The following PLXND1 variants were observed in gnomAD, a reference collection of about 807,000 sequenced individuals.
PLXND1 encodes plexin-D1.
A neutral mutation model predicts 197.7 loss-of-function variants in PLXND1; 54 were observed. The observed-to-expected ratio is 0.27, with a 90% CI of 0.22 to 0.34. The LOEUF (loss-of-function observed/expected upper bound fraction) is 0.34. Among genes scored for constraint, PLXND1 ranks in the 10% least tolerant of loss-of-function variants. PLXND1 has a pLI of 1.00. For synonymous variants in PLXND1, 1,180 were observed against 1,161.2 expected, an observed-to-expected ratio of 1.02 and a Z score of -0.33; for missense variants, 2,127 against 2,699.2, an observed-to-expected ratio of 0.79 and a Z score of 4.70.
intron 8 of PLXND1, among the ~76,000 whole-genome samples, chr3:129,581,567 T>C (rs1452040464): frequency 2.6e-5 from 4 of 152,222 alleles, no homozygotes; most frequent in African/African-American, 9.6e-5. Context: ...GTAGTGAGCA[T>C]CTACTATGTG....
At position 129,556,315 on chromosome 3, in the gene PLXND1, G is replaced by A; in HGVS notation, c.5775C>T (p.Ala1925=). The change falls in exon 36 of 36, where the codon GCC becomes GCT. Residue 1925 remains alanine, a synonymous_variant. Coordinates refer to ENST00000324093, the MANE Select transcript of PLXND1 (RefSeq NM_015103.3). ...EDNIYECYSE[A] ...CCTGACCAACTCTCCATGTGTCTCA[G>A]GCCTCACTGTAGCACTCGTAGATGT... The A allele has an allele frequency of 1.9e-6, 3 of 1,601,160 alleles. No individual in the cohort carries two copies. The highest frequency in any genetic ancestry group is 2.6e-6 in the Non-Finnish European group (3 of 1,168,152).
rs1420553421 is a variant in PLXND1 at position 129,577,275 on chromosome 3, A to G, written c.2346+1054T>C. ...AGCAGGCCCTGGGGAGCAGGAGGGC[A>G]GGCGCCCCTGCAGCTCGGTCAGAGT... On this transcript the variant is annotated intron_variant, in intron 9 of 35. Transcript: ENST00000324093. The surrounding 1 kb of genome is among the most constrained non-coding windows in gnomAD (Gnocchi z 5.0). Among the ~76,000 whole-genome samples, 1 of 152,178 alleles carries G rather than the reference A, an allele frequency of 6.6e-6. No individual in the cohort carries two copies. Among genetic ancestry groups the G allele is most frequent in the African/African-American group, 2.4e-5 (1 of 41,446 alleles).
At chr3:129,604,312 G>A (rs1161501167) in intron 1 of PLXND1, among the ~76,000 whole-genome samples, 4 of 152,084 alleles carry the variant, frequency 2.6e-5, no homozygotes, top group African/African-American at 7.2e-5. Flanking sequence ...CAAAACACAC[G>A]CACTCTGAGA....
rs2108759569 is a variant in PLXND1 at position 129,556,258 on chromosome 3, G to C, written c.*54C>G. On this transcript the variant is annotated 3_prime_UTR_variant, in exon 36 of 36. Coordinates refer to ENST00000324093, the MANE Select transcript of PLXND1 (RefSeq NM_015103.3). ...GCACGGGGTAGAAGATCAAGTTGAG[G>C]CCCAGTGGGCGTCCATTTCTCCCAG... The C allele has an allele frequency of 8.6e-7, 1 of 1,161,630 alleles. No homozygotes were observed. Among genetic ancestry groups the C allele is most frequent in the Admixed American group, 1.7e-5 (1 of 59,062 alleles). 72.0% of individuals were successfully genotyped at this position (1,161,630 alleles called of 1,614,324 possible). A position where few individuals can be genotyped will look rare whatever the true frequency, so the allele number is the denominator to read the frequency against.
In PLXND1 at chr3:129,558,515, G is replaced by A; in HGVS notation, c.5358C>T (p.Asp1786=). 6.2e-7 allele frequency: 1 copy of A among 1,613,924 alleles called. No homozygotes were observed. Among genetic ancestry groups the A allele is most frequent in the African/African-American group, 1.3e-5 (1 of 75,060 alleles). ...GGCAGGCGTCGATGTGGTCTGTCTT[G>A]TCGATGTCAAAGACAAACTGGGGGT... ...LKNPQFVFDI[D]KTDHIDACLS... is the part of the protein sequence containing the mutation. The change falls in exon 33 of 36, where the codon GAC becomes GAT. Residue 1786 remains aspartate (D), a synonymous_variant. Transcript: ENST00000324093. This position sits in a 1 kb window ranked among gnomAD's most constrained non-coding sequence, Gnocchi z 4.1.
In PLXND1 at chr3:129,573,670, T is replaced by C; in HGVS notation, c.2761A>G (p.Ser921Gly). 6.2e-7 allele frequency: 1 copy of C among 1,613,650 alleles called. No homozygotes were observed. The change falls in exon 13 of 36, where the codon AGT becomes GGT. Residue 921 changes from serine to glycine, a missense_variant. This residue lies in a region of PLXND1 where 1,095 missense variants were observed against 1,259.8 expected (regional missense o/e 0.87). Coordinates refer to ENST00000324093, the MANE Select transcript of PLXND1 (RefSeq NM_015103.3). ...ATCCACACGCCGTGGGCCACGTCAC[T>C]GAGCCGCCGGCCCAGGTTCCTTCCT... ...IRGRNLGRRLSDVAHGVWIGG... is the reference protein window; with the variant it reads ...IRGRNLGRRLGDVAHGVWIGG...
intron 11 of PLXND1, among the ~76,000 whole-genome samples, chr3:129,575,255 C>G (rs1050550287): frequency 2.2e-5 from 3 of 137,332 alleles, no homozygotes; most frequent in South Asian, 5.0e-4. Flanking sequence ...ACGATCAGGC[C>G]CAGGAAGGCA....
At position 129,605,111 on chromosome 3, in the gene PLXND1, A is replaced by T. The variant is rs566396044; in HGVS notation, c.1311+218T>A. Among the ~76,000 whole-genome samples the T allele has an allele frequency of 2.0e-5, 3 of 152,212 alleles. No homozygotes were observed. In the South Asian group the frequency reaches 6.2e-4, roughly 32 times the overall value. On this transcript the variant is annotated intron_variant, in intron 1 of 35. Coordinates refer to ENST00000324093, the MANE Select transcript of PLXND1 (RefSeq NM_015103.3). ...GCGCCCATGAGCCGGCACTCACTTG[A>T]GTCCCTGCACATGCCCACCTGGGCC...
At chr3:129,563,634 G>A (rs950448494) in intron 25 of PLXND1, among the ~76,000 whole-genome samples, 11 of 152,220 alleles carry the variant, frequency 7.2e-5, no homozygotes, top group Admixed American at 6.5e-4. Context: ...GGGCCCCCAA[G>A]TGTGAGTTTA....
intron 1 of PLXND1, among the ~76,000 whole-genome samples, chr3:129,599,303 T>A (rs1212150239): frequency 6.6e-6 from 1 of 152,232 alleles, no homozygotes; most frequent in Non-Finnish European, 1.5e-5. Flanking sequence ...GCCAGGCCAC[T>A]CCAGTCTTCC....
chr3:129,585,862 G>A, intron 5 of PLXND1, 90 bp downstream of exon 5: 3 of 1,546,702 alleles, frequency 1.9e-6, no homozygotes, highest in South Asian at 1.1e-5. Flanking sequence ...GGCACCATGG[G>A]TGGGAGTCTC....
In PLXND1 at chr3:129,571,021, C is replaced by A. The variant is rs371723415; in HGVS notation, c.3600+19G>T. On this transcript the variant is annotated intron_variant, in intron 18 of 35. Coordinates refer to ENST00000324093, the MANE Select transcript of PLXND1 (RefSeq NM_015103.3). ...CTGGCTCGCTTGCCCCCGCCTACCC[C>A]GGCCCCTTTGGTGCTCACGTGGATA... The A allele has an allele frequency of 4.3e-6, 7 of 1,613,082 alleles. No individual in the cohort carries two copies. Among genetic ancestry groups the A allele is most frequent in the Non-Finnish European group, 5.9e-6 (7 of 1,179,214 alleles).
At position 129,606,666 on chromosome 3, in the gene PLXND1, G is replaced by C. The variant is rs1281348757; in HGVS notation, c.-27C>G. On this transcript the variant is annotated 5_prime_UTR_variant, in exon 1 of 36. Coordinates refer to ENST00000324093, the MANE Select transcript of PLXND1 (RefSeq NM_015103.3). ...CGGGCGTGCGCGGGCTGCGCGGCGC[G>C]GCGAGTGCATGGGGCGAGGCGCGGC... is the stretch of plus-strand genomic sequence containing the variant. 1 of 926,458 alleles carries C rather than the reference G, an allele frequency of 1.1e-6. No homozygotes were observed. The highest frequency in any genetic ancestry group is 1.3e-6 in the Non-Finnish European group (1 of 776,314). The allele number at this position is 926,458 out of a possible 1,614,324, so 57.4% of individuals were successfully genotyped here.
At chr3:129,583,851 T>C (rs893458906) in intron 7 of PLXND1, among the ~76,000 whole-genome samples, 182 bp from the exon 8 acceptor site, 2 of 152,134 alleles carry the variant, frequency 1.3e-5, no homozygotes, top group African/African-American at 4.8e-5. Flanking sequence ...GGTATACAAA[T>C]AGGAGTTAAA....
chr3:129,596,552 C>G (rs1226581111), intron 1 of PLXND1, among the ~76,000 whole-genome samples: 1 of 152,178 alleles, frequency 6.6e-6, no homozygotes. Flanking sequence ...CTTCCCTCCC[C>G]CCAGCAGGAG....
chr3:129,599,443 G>A (rs1383784993), intron 1 of PLXND1, among the ~76,000 whole-genome samples: 4 of 152,218 alleles, frequency 2.6e-5, no homozygotes, highest in Non-Finnish European at 5.9e-5. Flanking sequence ...CACTCACCTA[G>A]CGATGTGCGC....
chr3:129,591,659 T>G (rs2085543870), intron 1 of PLXND1: 1 of 152,192 alleles, frequency 6.6e-6, no homozygotes, highest in African/African-American at 2.4e-5. Flanking sequence ...GTTATTATTA[T>G]GAAGTAAAAG....
intron 17 of PLXND1, 34 bp downstream of exon 17, chr3:129,571,475 C>T (rs757604124): frequency 5.6e-6 from 9 of 1,595,566 alleles, no homozygotes; most frequent in East Asian, 2.2e-5. Flanking sequence ...CCTGGGCCAC[C>T]CCCTCCCACC....
rs1197403884 is a variant in PLXND1 at position 129,562,955 on chromosome 3, G to T, written c.4669-12C>A. 1.2e-6 allele frequency: 2 copies of T among 1,602,620 alleles called. No individual in the cohort carries two copies. Among genetic ancestry groups the T allele is most frequent in the Admixed American group, 1.7e-5 (1 of 59,712 alleles). ...GACACGTTCAGGTTCTGCAGGGGGA[G>T]AGTGGGAGAGAAAGGTCAGTGAGTT... is the stretch of plus-strand genomic sequence containing the variant. On this transcript the variant is annotated splice_polypyrimidine_tract_variant and intron_variant, in intron 26 of 35. Transcript: ENST00000324093.
Sources: gnomAD v4.1 joint callset for allele counts (sites outside exome capture counted in the v4.1 genomes callset) on GRCh38, gnomAD v4.1.1 for gene constraint, gnomAD v4.1.1 regional missense constraint, Gnocchi (gnomAD v3.1) non-coding constraint, MANE v1.5 for transcripts, NCBI Gene and HGNC (gene_info 2026-07-23, HGNC 2026-07-21) for gene names.